The following SLK variants were observed in gnomAD, a reference collection of about 807,000 sequenced individuals.
The protein encoded by SLK is STE20 like kinase.
A neutral mutation model predicts 147.7 loss-of-function variants in SLK; 67 were observed. That is an observed-to-expected ratio of 0.45 (90% CI 0.37 to 0.56). SLK has a LOEUF of 0.56. Among genes scored for constraint, SLK ranks in the 20% least tolerant of loss-of-function variants. SLK has a pLI of 0.00. For synonymous variants in SLK, 441 were observed against 475.0 expected, an observed-to-expected ratio of 0.93 and a Z score of 0.93; for missense variants, 1,136 against 1,438.8, an observed-to-expected ratio of 0.79 and a Z score of 3.41.
intron 4 of SLK, among the ~76,000 whole-genome samples, chr10:103,997,694 GT>G (rs1351288545): frequency 6.6e-6 from 1 of 151,724 alleles, no homozygotes; most frequent in East Asian, 1.9e-4. Flanking sequence ...TGTTTCTAAA[GT>G]TTTTCTTTTT....
intron 1 of SLK, among the ~76,000 whole-genome samples, chr10:103,975,928 A>T (rs1341578264): frequency 4.0e-5 from 6 of 151,448 alleles, no homozygotes; most frequent in African/African-American, 1.2e-4. Flanking sequence ...TATTATTATT[A>T]TTTTTTCTTG....
At chr10:103,983,291 A>AC (rs1309586557) in intron 1 of SLK, among the ~76,000 whole-genome samples, 11 of 152,202 alleles carry the variant, frequency 7.2e-5, no homozygotes, top group Non-Finnish European at 1.0e-4. Flanking sequence ...AACAGTATGA[A>AC]CAGTCTAAAA....
intron 13 of SLK, among the ~76,000 whole-genome samples, chr10:104,017,122 GT>G (rs1359203645): frequency 6.6e-6 from 1 of 152,136 alleles, no homozygotes; most frequent in Non-Finnish European, 1.5e-5. Context: ...ATTGAAGGAT[GT>G]TTTTCTAAAG....
chr10:103,970,007 C>G (rs1387931127), intron 1 of SLK, among the ~76,000 whole-genome samples: 2 of 152,168 alleles, frequency 1.3e-5, no homozygotes, highest in Non-Finnish European at 2.9e-5. Context: ...AGCACTGGCT[C>G]TGGAGTTGGA....
intron 9 of SLK, 59 bp from the exon 10 acceptor site, chr10:104,005,502 A>C: frequency 6.8e-7 from 1 of 1,477,208 alleles, no homozygotes; most frequent in Non-Finnish European, 9.2e-7. Flanking sequence ...GAAGAAGAAA[A>C]TGTTTTCTAC....
At position 104,018,186 on chromosome 10, in the gene SLK, G is replaced by A; in HGVS notation, c.2904G>A (p.Gln968=). The A allele has an allele frequency of 6.2e-7, 1 of 1,606,108 alleles. No homozygotes were observed. The highest frequency in any genetic ancestry group is 1.1e-5 in the South Asian group (1 of 89,220). ...AQEQEFVQKQ[Q]QELDGSLKKI... ...AACAAGAGTTTGTTCAGAAACAACAGCAAGAATTAGATGGCTCTCTGAAAA... is the reference window on the plus strand; with the variant it reads ...AACAAGAGTTTGTTCAGAAACAACAACAAGAATTAGATGGCTCTCTGAAAA... The change falls in exon 14 of 19, where the codon CAG becomes CAA. Residue 968 remains glutamine (Q), a synonymous_variant. Coordinates refer to ENST00000369755, the MANE Select transcript of SLK (RefSeq NM_014720.4).
rs1844603974 is a variant in SLK, at chr10:104,026,722, T to C, written c.*1002T>C. On this transcript the variant is annotated 3_prime_UTR_variant, in exon 19 of 19. Coordinates refer to ENST00000369755, the MANE Select transcript of SLK (RefSeq NM_014720.4). ...TAAATATATCTTCAGAAATTAATCT[T>C]AAAAGAGGCATTAGTTCAGAATACT... 1 of 152,200 alleles carries C rather than the reference T, an allele frequency of 6.6e-6. No individual in the cohort carries two copies. The allele number at this position is 152,200 out of a possible 1,614,324, so 9.4% of individuals were successfully genotyped here. A position where few individuals can be genotyped will look rare whatever the true frequency, so the allele number is the denominator to read the frequency against.
Position 104,025,718 on chromosome 10 carries a change from TAACAAA to T in SLK, c.3707_*4del. ...TCCCAGCTTGCATTCCACCGGATCA[TAACAAA>T]GGGAAGCATTCTGTGCGTGGGTTTG... On this transcript the variant is annotated stop_lost and 3_prime_UTR_variant, in exon 19 of 19. Coordinates refer to ENST00000369755, the MANE Select transcript of SLK (RefSeq NM_014720.4). 1 of 1,613,992 alleles carries T rather than the reference TAACAAA, an allele frequency of 6.2e-7. No individual in the cohort carries two copies. The highest frequency in any genetic ancestry group is 1.3e-5 in the African/African-American group (1 of 75,056).
intron 13 of SLK, among the ~76,000 whole-genome samples, chr10:104,015,040 G>A (rs1269855848): frequency 1.3e-5 from 2 of 152,110 alleles, no homozygotes; most frequent in Non-Finnish European, 2.9e-5. Flanking sequence ...TTTAGTGAAT[G>A]TGTAATAACA....
At chr10:103,974,037 C>T (rs1843827826) in intron 1 of SLK, among the ~76,000 whole-genome samples, 2 of 152,100 alleles carry the variant, frequency 1.3e-5, no homozygotes, top group Non-Finnish European at 2.9e-5. Context: ...TTAGGATTTT[C>T]TTTTATCCTC....
intron 13 of SLK, among the ~76,000 whole-genome samples, chr10:104,016,100 C>T (rs950953165): frequency 2.6e-5 from 4 of 152,076 alleles, no homozygotes; most frequent in African/African-American, 7.2e-5. Flanking sequence ...GGGCGAATCA[C>T]AAGGTCAGGA....
chr10:103,989,659 G>C (rs1237123120), intron 1 of SLK, among the ~76,000 whole-genome samples: 2 of 151,790 alleles, frequency 1.3e-5, no homozygotes, highest in Non-Finnish European at 2.9e-5. Flanking sequence ...TAGTAGAGAC[G>C]GGGTTTCACC....
In SLK at chr10:104,002,042, G is replaced by T. The variant is rs1272448476; in HGVS notation, c.994-130G>T. ...ATTTTTGTTATATTTCTTGTGAGAA[G>T]AATTGTTAATTCTTTAAATTCAGCA... On this transcript the variant is annotated intron_variant, in intron 8 of 18. Coordinates refer to ENST00000369755, the MANE Select transcript of SLK (RefSeq NM_014720.4). The T allele has an allele frequency of 5.4e-6, 4 of 746,858 alleles. No homozygotes were observed. In the Admixed American group the frequency reaches 9.1e-5, roughly 17 times the overall value. The allele number at this position is 746,858 out of a possible 1,614,324, so 46.3% of individuals were successfully genotyped here. A position where few individuals can be genotyped will look rare whatever the true frequency, so the allele number is the denominator to read the frequency against.
In SLK at chr10:104,002,871, A is replaced by G; in HGVS notation, c.1693A>G (p.Ser565Gly). The stretch of plus-strand genomic sequence containing the variant: ...TGTGGCTCAGAAAGTGGATGAAGAC[A>G]GTGCTGAGGATACGCAGAGTAATGA... ...ADVAQKVDED[S>G]AEDTQSNDGK... is the part of the protein sequence containing the mutation. Residue 565 changes from serine to glycine, a missense_variant, in exon 9 of 19, where the codon AGT becomes GGT. This residue lies in a region of SLK where 516 missense variants were observed against 531.3 expected (regional missense o/e 0.97). Coordinates refer to ENST00000369755, the MANE Select transcript of SLK (RefSeq NM_014720.4). The G allele has an allele frequency of 6.2e-7, 1 of 1,614,114 alleles. No homozygotes were observed. Among genetic ancestry groups the G allele is most frequent in the Non-Finnish European group, 8.5e-7 (1 of 1,179,996 alleles).
chr10:104,005,884 CTCTATCA>C (rs1450795058), intron 10 of SLK, 21 bp from the exon 11 acceptor site: 2 of 1,580,406 alleles, frequency 1.3e-6, no homozygotes, highest in Non-Finnish European at 1.7e-6. Context: ...TTGCTGTCTT[CTCTATCA>C]TTACCATTAA....
intron 18 of SLK, among the ~76,000 whole-genome samples, chr10:104,022,754 T>C (rs1844552087): frequency 1.3e-5 from 2 of 152,122 alleles, no homozygotes; most frequent in Admixed American, 1.3e-4. Context: ...ATTACAGGCA[T>C]CCACCACCAC....
rs1564658609 is a variant in SLK at position 104,003,142 on chromosome 10, G to A, written c.1964G>A (p.Ser655Asn). ...AGCACTGAAGAAATGGAGGTCAGAA[G>A]TGTGGTGGCTGATACTGACCAAAAG... Reference protein sequence around the residue: ...SSSTEEMEVRSVVADTDQKAL... With the variant: ...SSSTEEMEVRNVVADTDQKAL... Residue 655 changes from serine (S) to asparagine (N), a missense_variant, in exon 9 of 19, where the codon AGT (serine) becomes AAT (asparagine). Coordinates refer to ENST00000369755, the MANE Select transcript of SLK (RefSeq NM_014720.4). 6.2e-7 allele frequency: 1 copy of A among 1,614,138 alleles called. No homozygotes were observed. The highest frequency in any genetic ancestry group is 1.1e-5 in the South Asian group (1 of 91,084).
In SLK at chr10:104,019,771, T is replaced by G; in HGVS notation, c.3170T>G (p.Ile1057Ser). ...EQMQRYNQRL[I>S]EELKNRQTQE... is the part of the protein sequence containing the mutation. ...ATGCAGCGTTACAATCAAAGACTTATTGAGGAATTGAAAAACAGACAGACT... is the reference window on the plus strand; with the variant it reads ...ATGCAGCGTTACAATCAAAGACTTAGTGAGGAATTGAAAAACAGACAGACT... Residue 1057 changes from isoleucine (I) to serine (S), a missense_variant, in exon 16 of 19, where the codon ATT becomes AGT. Physicochemically the swap from Ile to Ser is moderately radical, Grantham distance 142. Transcript: ENST00000369755. The G allele has an allele frequency of 6.2e-7, 1 of 1,614,122 alleles. No homozygotes were observed. The highest frequency in any genetic ancestry group is 1.1e-5 in the South Asian group (1 of 91,080).
chr10:104,021,503 G>A, intron 17 of SLK, 117 bp from the exon 18 acceptor site: 1 of 590,758 alleles, frequency 1.7e-6, no homozygotes, highest in East Asian at 3.1e-5. Context: ...AGGAAAACTT[G>A]AATCTCAGTA....
Sources: gnomAD v4.1 joint callset for allele counts (sites outside exome capture counted in the v4.1 genomes callset) on GRCh38, gnomAD v4.1.1 for gene constraint, gnomAD v4.1.1 regional missense constraint, MANE v1.5 for transcripts, NCBI Gene and HGNC (gene_info 2026-07-23, HGNC 2026-07-21) for gene names.